Variants in PDE4D observed in about 807,000 individuals in gnomAD.
PDE4D encodes phosphodiesterase 4D.
Under a neutral mutation model 87.4 loss-of-function variants are expected in PDE4D, and 24 were observed. The ratio of observed to expected loss-of-function variants is 0.27; its 90% confidence interval spans 0.20 to 0.39. The LOEUF is 0.39. Among genes scored for constraint, PDE4D ranks in the 10% least tolerant of loss-of-function variants. The pLI is 1.00. For synonymous variants in PDE4D, 384 were observed against 383.2 expected, an observed-to-expected ratio of 1.00 and a Z score of -0.02; for missense variants, 714 against 1,041.0, an observed-to-expected ratio of 0.69 and a Z score of 4.32.
intron 1 of PDE4D, among the ~76,000 whole-genome samples, chr5:59,634,218 G>A (rs1000562728): frequency 1.3e-5 from 2 of 152,136 alleles, no homozygotes; most frequent in African/African-American, 4.8e-5. Context: ...CAATACAAGA[G>A]CACCCAGATT....
intron 3 of PDE4D, among the ~76,000 whole-genome samples, chr5:59,914,600 G>A (rs1350649337): frequency 6.8e-6 from 1 of 146,518 alleles, no homozygotes; most frequent in Non-Finnish European, 1.5e-5. Context: ...GTGTTTGGGG[G>A]AAGAGGTTTT....
chr5:59,062,358 A>G (rs750373193), intron 5 of PDE4D, among the ~76,000 whole-genome samples: 2 of 152,122 alleles, frequency 1.3e-5, no homozygotes, highest in African/African-American at 2.4e-5. Context: ...TACTGATGTG[A>G]CTTTTTTCCA....
intron 2 of PDE4D, among the ~76,000 whole-genome samples, chr5:60,114,508 T>A (rs1007091787): frequency 1.3e-5 from 2 of 152,088 alleles, no homozygotes; most frequent in African/African-American, 4.8e-5. Context: ...TCAGGAAATA[T>A]GTTGTTTCAG....
At chr5:60,514,028 A>G (rs1426138289) in intron 1 of PDE4D, among the ~76,000 whole-genome samples, 3 of 151,762 alleles carry the variant, frequency 2.0e-5, no homozygotes, top group African/African-American at 4.8e-5. Context: ...TACAATAAAG[A>G]ATATCAATAA....
chr5:60,495,681 G>A (rs1265949979), intron 1 of PDE4D, among the ~76,000 whole-genome samples: 2 of 152,192 alleles, frequency 1.3e-5, no homozygotes, highest in African/African-American at 2.4e-5. Flanking sequence ...CGGAAGTATG[G>A]TAGCAAGCCA....
At chr5:59,916,486 C>T (rs1175707359) in intron 3 of PDE4D, among the ~76,000 whole-genome samples, 4 of 152,132 alleles carry the variant, frequency 2.6e-5, no homozygotes, top group Non-Finnish European at 1.5e-5. Context: ...AAACATGTGC[C>T]AACTGCACTT....
At chr5:59,197,478 T>C (rs910915821) in intron 2 of PDE4D, among the ~76,000 whole-genome samples, 2 of 152,204 alleles carry the variant, frequency 1.3e-5, no homozygotes, top group Non-Finnish European at 2.9e-5. Flanking sequence ...TTATAGCCTA[T>C]CCATTTATTT....
At chr5:60,338,892 C>G (rs1758055385) in intron 1 of PDE4D, among the ~76,000 whole-genome samples, 1 of 152,130 alleles carries the variant, frequency 6.6e-6, no homozygotes, top group South Asian at 2.1e-4. Flanking sequence ...CGACAGTCCC[C>G]CATTATCTGC....
intron 1 of PDE4D, among the ~76,000 whole-genome samples, chr5:60,383,222 G>T (rs979846661): frequency 4.2e-4 from 64 of 151,972 alleles, no homozygotes; most frequent in African/African-American, 1.5e-3. Flanking sequence ...TCTGTAAAAG[G>T]TATGAAAAAA....
At chr5:60,404,750 C>T (rs1741398935) in intron 1 of PDE4D, among the ~76,000 whole-genome samples, 1 of 152,210 alleles carries the variant, frequency 6.6e-6, no homozygotes, top group South Asian at 2.1e-4. Context: ...AACATGACAT[C>T]ATAATTTCTA....
intron 3 of PDE4D, among the ~76,000 whole-genome samples, chr5:59,912,544 G>A (rs1229975563): frequency 2.6e-5 from 4 of 152,130 alleles, no homozygotes; most frequent in South Asian, 2.1e-4. Flanking sequence ...GAAGACTTAC[G>A]ACAATTAGAT....
rs1445714593 is a variant in PDE4D, at chr5:60,044,197, T to C, written c.43-55480A>G. ...AAGACATGATAAATGCCTGAGGTGATGGACACCCCAATTGCCCCAATAAGA... is the reference window on the plus strand; with the variant it reads ...AAGACATGATAAATGCCTGAGGTGACGGACACCCCAATTGCCCCAATAAGA... On this transcript the variant is annotated intron_variant, in intron 2 of 16. Transcript: ENST00000502484. Among the ~76,000 whole-genome samples, 3 of 152,096 alleles carry C rather than the reference T, an allele frequency of 2.0e-5. No individual in the cohort carries two copies. In the East Asian group the frequency reaches 5.8e-4, roughly 29 times the overall value.
chr5:59,563,458 T>C (rs763177256), intron 1 of PDE4D, among the ~76,000 whole-genome samples: 1 of 152,194 alleles, frequency 6.6e-6, no homozygotes, highest in Non-Finnish European at 1.5e-5. Context: ...AGTTGAGACA[T>C]AGGGACATCA....
At chr5:59,424,848 T>A (rs371856244) in intron 1 of PDE4D, among the ~76,000 whole-genome samples, 1 of 152,178 alleles carries the variant, frequency 6.6e-6, no homozygotes, top group African/African-American at 2.4e-5. Flanking sequence ...GATGGGTCCA[T>A]GCATTTAGGC....
intron 5 of PDE4D, among the ~76,000 whole-genome samples, chr5:59,046,312 ATGTG>A (rs1163796478): frequency 1.3e-5 from 2 of 151,348 alleles, no homozygotes; most frequent in South Asian, 2.1e-4. Context: ...GAGCGAGAGA[ATGTG>A]TGTTTGTGCA....
At chr5:59,765,761 C>A (rs942022124) in intron 1 of PDE4D, among the ~76,000 whole-genome samples, 5 of 152,144 alleles carry the variant, frequency 3.3e-5, no homozygotes, top group African/African-American at 1.2e-4. Flanking sequence ...CCACAAAAAG[C>A]AGAAGCAAGA....
chr5:59,914,285 G>T (rs1275441514), intron 3 of PDE4D, among the ~76,000 whole-genome samples: 1 of 152,094 alleles, frequency 6.6e-6, no homozygotes, highest in African/African-American at 2.4e-5. Context: ...AAAGATGGGG[G>T]GTGGTTAAGG....
intron 1 of PDE4D, among the ~76,000 whole-genome samples, chr5:59,278,964 G>C (rs531995570): frequency 6.6e-6 from 1 of 152,002 alleles, no homozygotes; most frequent in South Asian, 2.1e-4. Flanking sequence ...TTTATCCATG[G>C]ATTAAACATT....
intron 3 of PDE4D, among the ~76,000 whole-genome samples, chr5:59,977,182 G>A (rs1434138325): frequency 6.6e-6 from 1 of 152,240 alleles, no homozygotes; most frequent in Non-Finnish European, 1.5e-5. Context: ...CAGGCTGAAA[G>A]CCAGGCCTTT....
Sources: allele counts gnomAD v4.1 joint callset (sites outside exome capture counted in the v4.1 genomes callset), GRCh38; gene constraint gnomAD v4.1.1; transcripts MANE v1.5; gene names NCBI Gene and HGNC (gene_info 2026-07-23, HGNC 2026-07-21).